The following SLC23A2 variants were observed in gnomAD, a reference collection of about 807,000 sequenced individuals.
The protein encoded by SLC23A2 is solute carrier family 23 member 2, also known as Na(+)/L-ascorbic acid transporter 2.
In SLC23A2, 36 loss-of-function variants were observed where a neutral mutation model predicts 73.3. The ratio of observed to expected loss-of-function variants is 0.49; its 90% CI spans 0.38 to 0.65. The LOEUF is 0.65. Ranked by LOEUF, SLC23A2 falls within the 30% of genes least tolerant of loss-of-function variation. The pLI is 0.00. For missense variants in SLC23A2, 507 were observed against 841.6 expected (o/e 0.60, Z 4.92); for synonymous variants, 343 against 327.3 (o/e 1.05, Z -0.52).
chr20:4,884,965 T>C, intron 7 of SLC23A2, 142 bp from the exon 8 acceptor site: 1 of 535,992 alleles, frequency 1.9e-6, no homozygotes, highest in South Asian at 2.3e-5. Context: ...CCTCCAACAG[T>C]ATAGCTTATC....
rs1930011451 is a variant in SLC23A2, at chr20:4,862,569, A to G, written c.1486+209T>C. Among the ~76,000 whole-genome samples, 1 of 152,264 alleles carries G rather than the reference A, an allele frequency of 6.6e-6. No homozygotes were observed. The highest frequency in any genetic ancestry group is 2.4e-5 in the African/African-American group (1 of 41,476). ...GATTAAATTTAATTGAAATGTTCAT[A>G]GCACAATTACATCTTATTGTTGGTT... is the stretch of plus-strand genomic sequence containing the variant. On this transcript the variant is annotated intron_variant, in intron 14 of 16. Coordinates refer to ENST00000338244, the MANE Select transcript of SLC23A2 (RefSeq NM_005116.6). This position sits in a 1 kb window ranked among gnomAD's most constrained non-coding sequence, Gnocchi z 5.1.
At chr20:4,921,881 A>G (rs553137238) in intron 3 of SLC23A2, among the ~76,000 whole-genome samples, 1 of 152,146 alleles carries the variant, frequency 6.6e-6, no homozygotes, top group Non-Finnish European at 1.5e-5. Context: ...CACCCCAACA[A>G]TGTAGTTTGT....
chr20:4,897,612 G>A (rs1296274703), intron 6 of SLC23A2, among the ~76,000 whole-genome samples: 1 of 152,202 alleles, frequency 6.6e-6, no homozygotes, highest in Admixed American at 6.5e-5. Flanking sequence ...CCAGCAGGGA[G>A]GTGAACCACG....
At chr20:4,869,050 G>GTA (rs1930320436) in intron 12 of SLC23A2, 1 of 152,180 alleles carries the variant, frequency 6.6e-6, no homozygotes. Flanking sequence ...AGAGCAAACG[G>GTA]TATCCTTGTG....
chr20:4,946,236 T>C (rs2087117147), intron 2 of SLC23A2, among the ~76,000 whole-genome samples: 1 of 152,124 alleles, frequency 6.6e-6, no homozygotes, highest in Non-Finnish European at 1.5e-5. Flanking sequence ...CCAGTTTCCA[T>C]CTGTAGCGAG....
intron 1 of SLC23A2, among the ~76,000 whole-genome samples, chr20:5,008,643 T>C (rs1015200586): frequency 1.3e-5 from 2 of 152,108 alleles, no homozygotes; most frequent in African/African-American, 4.8e-5. Flanking sequence ...CCTCCCCTTA[T>C]CCACGACCCC....
intron 2 of SLC23A2, among the ~76,000 whole-genome samples, chr20:4,946,373 C>A (rs2087118864): frequency 6.6e-6 from 1 of 152,114 alleles, no homozygotes; most frequent in Non-Finnish European, 1.5e-5. Flanking sequence ...TAGAAATAAT[C>A]TAAAAATGGG....
intron 2 of SLC23A2, among the ~76,000 whole-genome samples, chr20:4,937,199 G>A (rs2086973462): frequency 6.6e-6 from 1 of 152,100 alleles, no homozygotes; most frequent in Non-Finnish European, 1.5e-5. Context: ...CCAAGGTCCA[G>A]CGGCAAAATG....
intron 3 of SLC23A2, among the ~76,000 whole-genome samples, chr20:4,928,450 A>T (rs932199286): frequency 3.3e-5 from 5 of 152,152 alleles, no homozygotes; most frequent in Admixed American, 2.0e-4. Flanking sequence ...TCCTTCTTTT[A>T]TGTAATCTAC....
intron 2 of SLC23A2, among the ~76,000 whole-genome samples, chr20:4,949,655 A>T (rs1268265453): frequency 6.6e-6 from 1 of 152,126 alleles, no homozygotes; most frequent in Non-Finnish European, 1.5e-5. Flanking sequence ...ACACACACAC[A>T]GGCGCGCACA....
At chr20:4,916,126 G>T (rs781046398) in intron 3 of SLC23A2, among the ~76,000 whole-genome samples, 5 of 152,054 alleles carry the variant, frequency 3.3e-5, no homozygotes, top group Non-Finnish European at 7.4e-5. Context: ...TGTGGAGCTG[G>T]TTTACCTATA....
intron 1 of SLC23A2, among the ~76,000 whole-genome samples, chr20:4,997,154 G>C (rs910437143): frequency 2.0e-5 from 3 of 152,008 alleles, no homozygotes; most frequent in Non-Finnish European, 4.4e-5. Context: ...TGGTCTCCTT[G>C]CTGTCCTGCC....
intron 4 of SLC23A2, among the ~76,000 whole-genome samples, chr20:4,908,275 T>C (rs1932026177): frequency 6.6e-6 from 1 of 152,148 alleles, no homozygotes; most frequent in Non-Finnish European, 1.5e-5. Flanking sequence ...TGTAAAGAGA[T>C]GCAGCCTCAC....
intron 1 of SLC23A2, among the ~76,000 whole-genome samples, chr20:5,008,308 C>G (rs146471937): frequency 2.6e-5 from 4 of 152,264 alleles, no homozygotes; most frequent in Admixed American, 1.3e-4. Flanking sequence ...CCCCCACAAC[C>G]CCCTACCCCT....
In SLC23A2 at chr20:4,855,250, G is replaced by A. The variant is rs1007432284; in HGVS notation, c.*1722C>T. 1.3e-5 allele frequency: 2 copies of A among 152,292 alleles called. No individual in the cohort carries two copies. Among genetic ancestry groups the A allele is most frequent in the African/African-American group, 2.4e-5 (1 of 41,444 alleles). 9.4% of individuals were successfully genotyped at this position (152,292 alleles called of 1,614,324 possible). On this transcript the variant is annotated 3_prime_UTR_variant, in exon 17 of 17. Coordinates refer to ENST00000338244, the MANE Select transcript of SLC23A2 (RefSeq NM_005116.6). The stretch of plus-strand genomic sequence containing the variant: ...GACATGGCAATGCTGCAAAGACAGC[G>A]CCGCAGCACTGGAGAGCTGAGCCAG...
chr20:4,987,058 T>C (rs897214832), intron 1 of SLC23A2, among the ~76,000 whole-genome samples: 16 of 152,048 alleles, frequency 1.1e-4, no homozygotes, highest in African/African-American at 3.9e-4. Context: ...TCACTGGAAA[T>C]GGGGACTGCA....
At chr20:4,956,938 G>A (rs903030110) in intron 2 of SLC23A2, among the ~76,000 whole-genome samples, 8 of 151,512 alleles carry the variant, frequency 5.3e-5, no homozygotes, top group African/African-American at 1.9e-4. Flanking sequence ...CTCCCAAGTA[G>A]CTGGGATTAC....
chr20:5,008,277 C>T (rs2088212429), intron 1 of SLC23A2, among the ~76,000 whole-genome samples: 1 of 152,146 alleles, frequency 6.6e-6, no homozygotes, highest in South Asian at 2.1e-4. Flanking sequence ...CCAGCCTGGG[C>T]AACAGAGTGA....
chr20:4,869,702 G>A, intron 12 of SLC23A2: 1 of 493,080 alleles, frequency 2.0e-6, no homozygotes, highest in South Asian at 3.9e-5. Flanking sequence ...CATGGACGAG[G>A]AAAATGAAAG....
Sources: allele counts gnomAD v4.1 joint callset (sites outside exome capture counted in the v4.1 genomes callset), GRCh38; gene constraint gnomAD v4.1.1; non-coding constraint Gnocchi (gnomAD v3.1); transcripts MANE v1.5; gene names NCBI Gene and HGNC (gene_info 2026-07-23, HGNC 2026-07-21).